Variants in RNF220 observed in about 807,000 individuals in gnomAD.
The protein encoded by RNF220 is E3 ubiquitin-protein ligase RNF220.
RNF220 carries 7 observed loss-of-function variants against 67.1 expected under a neutral mutation model. The ratio of observed to expected loss-of-function variants is 0.10; its 90% CI spans 0.06 to 0.20. The LOEUF (loss-of-function observed/expected upper bound fraction) is 0.20. Ranked by LOEUF, RNF220 falls within the 10% of genes least tolerant of loss-of-function variation. The pLI is 1.00. For synonymous variants in RNF220, 270 were observed against 283.2 expected (o/e 0.95, Z 0.47); for missense variants, 565 against 740.3 (o/e 0.76, Z 2.75).
At chr1:44,514,543 A>G (rs17386059) in intron 2 of RNF220, among the ~76,000 whole-genome samples, 24,117 of 152,126 alleles carry the variant, frequency 0.16, 2,359 homozygotes, top group Non-Finnish European at 0.21. Flanking sequence ...CTGACTCTTT[A>G]ATGCTGATGA....
chr1:44,517,895 T>C (rs951887691), intron 2 of RNF220, among the ~76,000 whole-genome samples: 4 of 148,724 alleles, frequency 2.7e-5, no homozygotes, highest in African/African-American at 1.0e-4. Context: ...TCACCTGAGG[T>C]CAGGAGTTCG....
At chr1:44,568,207 C>T (rs1664168533) in intron 2 of RNF220, among the ~76,000 whole-genome samples, 1 of 152,204 alleles carries the variant, frequency 6.6e-6, no homozygotes, top group Non-Finnish European at 1.5e-5. Context: ...CCCTCCCAAT[C>T]AGGGTAAAAT....
chr1:44,617,812 G>A (rs934418852), intron 3 of RNF220, among the ~76,000 whole-genome samples: 1 of 152,156 alleles, frequency 6.6e-6, no homozygotes, highest in Non-Finnish European at 1.5e-5. Flanking sequence ...CCACATCAGG[G>A]CAGTTCCATC....
chr1:44,611,972 C>G (rs150884102), intron 2 of RNF220, among the ~76,000 whole-genome samples: 1 of 152,336 alleles, frequency 6.6e-6, no homozygotes, highest in African/African-American at 2.4e-5. Flanking sequence ...CTGTGAGATT[C>G]TCTGGCTAAC....
rs533180688 is a variant in RNF220, at chr1:44,406,698, C to A, written c.-118+1168C>A. ...GGCCTCCCCCACCCCACCCCCGCCCCCCAACCCGGGGCTTTTCAGGGCTCG... is the reference window on the plus strand; with the variant it reads ...GGCCTCCCCCACCCCACCCCCGCCCACCAACCCGGGGCTTTTCAGGGCTCG... On this transcript the variant is annotated intron_variant, in intron 1 of 14. Transcript: ENST00000361799. 1.4e-4 allele frequency among the ~76,000 whole-genome samples: 21 copies of A among 152,330 alleles called. No individual in the cohort carries two copies. The East Asian group carries it at 3.7e-3, about 27-fold the overall frequency.
chr1:44,509,885 C>CAAAAAAA (rs57479392), intron 2 of RNF220, among the ~76,000 whole-genome samples: 1 of 106,098 alleles, frequency 9.4e-6, no homozygotes, highest in African/African-American at 4.0e-5. Flanking sequence ...AGACCCTGTC[C>CAAAAAAA]AAAAAAAAAA....
chr1:44,644,938 T>G (rs1327966150), intron 9 of RNF220, 57 bp from the exon 10 acceptor site: 1 of 1,598,012 alleles, frequency 6.3e-7, no homozygotes, highest in South Asian at 1.1e-5. Context: ...CTCCTGAGGA[T>G]TCAACCCTCA....
chr1:44,631,779 G>A, intron 5 of RNF220: 1 of 431,256 alleles, frequency 2.3e-6, no homozygotes, highest in Non-Finnish European at 3.1e-6. Flanking sequence ...GTCGTGGAGT[G>A]GGGTGGAAGG....
At chr1:44,464,409 CTTTTTCTTT>C (rs1428134070) in intron 2 of RNF220, among the ~76,000 whole-genome samples, 1 of 152,180 alleles carries the variant, frequency 6.6e-6, no homozygotes, top group African/African-American at 2.4e-5. Flanking sequence ...GCATCTTTTT[CTTTTTCTTT>C]TTTTGTGCAT....
chr1:44,448,822 C>T (rs895570116), intron 2 of RNF220, among the ~76,000 whole-genome samples: 11 of 152,200 alleles, frequency 7.2e-5, no homozygotes, highest in African/African-American at 2.7e-4. Flanking sequence ...AGTAAACGTT[C>T]TGTGTGTCCA....
chr1:44,608,979 G>A (rs1667473381), intron 2 of RNF220, among the ~76,000 whole-genome samples: 1 of 152,212 alleles, frequency 6.6e-6, no homozygotes, highest in African/African-American at 2.4e-5. Context: ...GATCTTCACA[G>A]AAGTCTTGGG....
chr1:44,408,282 AT>A (rs1423813287), intron 1 of RNF220, among the ~76,000 whole-genome samples: 2 of 152,000 alleles, frequency 1.3e-5, no homozygotes, highest in African/African-American at 4.8e-5. Context: ...GCTGTCTCGG[AT>A]TCGCACCCTT....
chr1:44,499,739 C>G (rs1258485596), intron 2 of RNF220, among the ~76,000 whole-genome samples: 1 of 146,624 alleles, frequency 6.8e-6, no homozygotes, highest in African/African-American at 2.8e-5. Flanking sequence ...AATTCACCAA[C>G]TCCACTGCTT....
intron 2 of RNF220, among the ~76,000 whole-genome samples, chr1:44,442,500 G>A (rs180958110): frequency 4.9e-4 from 69 of 140,404 alleles, no homozygotes; most frequent in African/African-American, 1.7e-3. Context: ...CCCCGCTGCC[G>A]CACCACTCAC....
intron 2 of RNF220, among the ~76,000 whole-genome samples, chr1:44,586,351 T>G (rs1371887504): frequency 6.6e-6 from 1 of 151,952 alleles, no homozygotes; most frequent in African/African-American, 2.4e-5. Context: ...ATAAATTCTC[T>G]AAGAGCAAAG....
intron 2 of RNF220, among the ~76,000 whole-genome samples, chr1:44,592,722 GA>G (rs1477014319): frequency 4.6e-5 from 7 of 152,186 alleles, no homozygotes; most frequent in Non-Finnish European, 4.4e-5. Flanking sequence ...TCTAGGTGGG[GA>G]AAAGAAGACT....
chr1:44,593,707 G>A (rs946383073), intron 2 of RNF220, among the ~76,000 whole-genome samples: 64 of 152,210 alleles, frequency 4.2e-4, no homozygotes, highest in African/African-American at 1.5e-3. Context: ...GACAGAGTGA[G>A]ACCCTGTCTC....
chr1:44,526,794 A>G (rs1270502399), intron 2 of RNF220, among the ~76,000 whole-genome samples: 2 of 151,906 alleles, frequency 1.3e-5, no homozygotes, highest in South Asian at 2.1e-4. Context: ...TCTCACTCAC[A>G]TTGCCTCCAC....
At chr1:44,420,592 C>A (rs138244809) in intron 2 of RNF220, among the ~76,000 whole-genome samples, 227 of 152,218 alleles carry the variant, frequency 1.5e-3, no homozygotes, top group East Asian at 6.0e-3. Flanking sequence ...TGTATTTGCC[C>A]CCTTTGAGCC....
Sources: gnomAD v4.1 joint callset for allele counts (sites outside exome capture counted in the v4.1 genomes callset) on GRCh38, gnomAD v4.1.1 for gene constraint, MANE v1.5 for transcripts, NCBI Gene and HGNC (gene_info 2026-07-23, HGNC 2026-07-21) for gene names.